NRG3: variants seen among roughly 807,000 people sequenced by gnomAD.
NRG3 encodes neuregulin 3, also known as pro-neuregulin-3, membrane-bound isoform.
Under a neutral mutation model 66.9 loss-of-function variants are expected in NRG3, and 31 were observed. That is an observed-to-expected ratio of 0.46 (90% CI 0.35 to 0.63). The LOEUF (loss-of-function observed/expected upper bound fraction) is 0.63. Among genes scored for constraint, NRG3 ranks in the 20% least tolerant of loss-of-function variants. NRG3 has a pLI of 0.00. For missense variants in NRG3, 910 were observed against 878.9 expected (o/e 1.04, Z -0.45); for synonymous variants, 393 against 359.4 (o/e 1.09, Z -1.06).
intron 2 of NRG3, among the ~76,000 whole-genome samples, chr10:82,730,225 C>T (rs1032761109): frequency 6.6e-6 from 1 of 151,910 alleles, no homozygotes; most frequent in Non-Finnish European, 1.5e-5. Flanking sequence ...GCTGAGACTA[C>T]AGGTGCCCAC....
At chr10:82,162,413 C>T (rs2071671684) in intron 1 of NRG3, among the ~76,000 whole-genome samples, 1 of 152,126 alleles carries the variant, frequency 6.6e-6, no homozygotes, top group Non-Finnish European at 1.5e-5. Flanking sequence ...GTACTAGGTG[C>T]CTTGCTCTGC....
At chr10:82,679,415 A>G (rs2053950040) in intron 2 of NRG3, among the ~76,000 whole-genome samples, 1 of 152,240 alleles carries the variant, frequency 6.6e-6, no homozygotes, top group African/African-American at 2.4e-5. Flanking sequence ...ACTTGAAATA[A>G]GAATTTCTGG....
chr10:82,454,875 A>G (rs948923910), intron 2 of NRG3, among the ~76,000 whole-genome samples: 1 of 152,232 alleles, frequency 6.6e-6, no homozygotes, highest in Non-Finnish European at 1.5e-5. Flanking sequence ...TTGAGAGGCA[A>G]ATATTAACCT....
intron 1 of NRG3, among the ~76,000 whole-genome samples, chr10:82,070,043 T>C (rs2064715978): frequency 6.6e-6 from 1 of 152,186 alleles, no homozygotes; most frequent in Non-Finnish European, 1.5e-5. Flanking sequence ...TAACAGATCG[T>C]AGATCTAACA....
At chr10:82,191,861 C>T (rs887682236) in intron 1 of NRG3, among the ~76,000 whole-genome samples, 4 of 152,166 alleles carry the variant, frequency 2.6e-5, no homozygotes, top group Admixed American at 2.6e-4. Flanking sequence ...CAGGCCTCAG[C>T]CAATGCCCAT....
rs190626340 is a variant in NRG3, at chr10:82,143,024, C to T, written c.824-215715C>T. Among the ~76,000 whole-genome samples the T allele has an allele frequency of 2.9e-3, 435 of 151,222 alleles. 2 individuals carry two copies. The highest frequency in any genetic ancestry group is 0.01 in the African/African-American group (423 of 41,180). On this transcript the variant is annotated intron_variant, in intron 1 of 8. Transcript: ENST00000372141. ...GCTCAAGCGATCCTCCTGCCTTGGC[C>T]TCTGAAAGTGCTGGGATTACAGACC...
intron 1 of NRG3, among the ~76,000 whole-genome samples, chr10:82,260,129 A>G (rs1347978462): frequency 6.6e-6 from 1 of 152,218 alleles, no homozygotes; most frequent in African/African-American, 2.4e-5. Context: ...TTGCTCTTTC[A>G]GTCATAACAA....
chr10:81,921,055 C>T (rs545447429), intron 1 of NRG3, among the ~76,000 whole-genome samples: 1 of 151,994 alleles, frequency 6.6e-6, no homozygotes, highest in East Asian at 1.9e-4. Context: ...TATGTATTTG[C>T]AAATTGATTT....
At chr10:82,833,208 C>G (rs1230754445) in intron 3 of NRG3, among the ~76,000 whole-genome samples, 2 of 152,088 alleles carry the variant, frequency 1.3e-5, no homozygotes, top group Admixed American at 1.3e-4. Context: ...TGGACTGTTG[C>G]TAGGCATTTC....
intron 1 of NRG3, among the ~76,000 whole-genome samples, chr10:82,217,425 A>C (rs2075743092): frequency 6.6e-6 from 1 of 152,168 alleles, no homozygotes; most frequent in Non-Finnish European, 1.5e-5. Flanking sequence ...GACTTTCTAA[A>C]TTAGATACTC....
At chr10:82,498,090 G>T (rs1383630) in intron 2 of NRG3, among the ~76,000 whole-genome samples, 8,253 of 144,078 alleles carry the variant, frequency 0.057, 490 homozygotes, top group East Asian at 0.17. Context: ...GAGTTATTTG[G>T]TTTTTTTTTT....
chr10:81,892,338 A>T (rs897848054), intron 1 of NRG3, among the ~76,000 whole-genome samples: 24 of 152,122 alleles, frequency 1.6e-4, no homozygotes, highest in African/African-American at 5.8e-4. Context: ...AAATAAGGGT[A>T]TGAGGAGCCC....
At chr10:82,234,489 A>G (rs1211254436) in intron 1 of NRG3, among the ~76,000 whole-genome samples, 3 of 152,162 alleles carry the variant, frequency 2.0e-5, no homozygotes. Context: ...GGATAATATG[A>G]ATGGTTTTCT....
chr10:82,142,120 A>G (rs2069838265), intron 1 of NRG3, among the ~76,000 whole-genome samples: 1 of 152,200 alleles, frequency 6.6e-6, no homozygotes, highest in African/African-American at 2.4e-5. Flanking sequence ...GCTCTTACTA[A>G]TTCATCCAAG....
intron 2 of NRG3, among the ~76,000 whole-genome samples, chr10:82,364,293 C>A (rs2084379130): frequency 6.6e-6 from 1 of 152,036 alleles, no homozygotes; most frequent in Non-Finnish European, 1.5e-5. Context: ...ATTAATAATT[C>A]ATTGATACTT....
chr10:82,576,456 G>A (rs1217693046), intron 2 of NRG3, among the ~76,000 whole-genome samples: 1 of 151,538 alleles, frequency 6.6e-6, no homozygotes, highest in East Asian at 1.9e-4. Flanking sequence ...CAAAAGGCAA[G>A]CAGAACCATT....
At chr10:82,876,197 T>A (rs1841804775) in intron 4 of NRG3, among the ~76,000 whole-genome samples, 2 of 152,202 alleles carry the variant, frequency 1.3e-5, no homozygotes, top group Non-Finnish European at 2.9e-5. Flanking sequence ...CTTTGCTAGA[T>A]TAATAGTATA....
At chr10:82,848,146 C>T (rs768871019) in intron 3 of NRG3, among the ~76,000 whole-genome samples, 40 of 152,130 alleles carry the variant, frequency 2.6e-4, no homozygotes, top group Non-Finnish European at 5.3e-4. Context: ...TTGTTGAGCA[C>T]CTACTTTATA....
intron 4 of NRG3, among the ~76,000 whole-genome samples, chr10:82,882,252 T>C (rs540544279): frequency 5.9e-5 from 9 of 152,220 alleles, no homozygotes; most frequent in Admixed American, 5.9e-4. Flanking sequence ...GGTTTATGTC[T>C]GTCTTACCCC....
Sources: allele counts gnomAD v4.1 joint callset (sites outside exome capture counted in the v4.1 genomes callset), GRCh38; gene constraint gnomAD v4.1.1; transcripts MANE v1.5; gene names NCBI Gene and HGNC (gene_info 2026-07-23, HGNC 2026-07-21).